The following COG6 variants were observed in gnomAD, a reference collection of about 807,000 sequenced individuals.
COG6 encodes component of oligomeric golgi complex 6.
Under a neutral mutation model 88.8 loss-of-function variants are expected in COG6, and 74 were observed. That is an observed-to-expected ratio of 0.83 (90% confidence interval 0.69 to 1.01). The LOEUF (loss-of-function observed/expected upper bound fraction) is 1.01, where lower values mean the gene tolerates loss of function less well. Ranked by LOEUF, COG6 falls within the 50% of genes least tolerant of loss-of-function variation. COG6 has a pLI of 0.00. For missense variants in COG6, 800 were observed against 797.9 expected, an observed-to-expected ratio of 1.00 and a Z score of -0.03; for synonymous variants, 286 against 278.7, an observed-to-expected ratio of 1.03 and a Z score of -0.26.
At chr13:39,746,793 T>C (rs75125008) in intron 18 of COG6, among the ~76,000 whole-genome samples, 1,696 of 152,266 alleles carry the variant, frequency 0.011, 28 homozygotes, top group African/African-American at 0.039. Context: ...AATAAAAATA[T>C]AGTAAACTGG....
intron 16 of COG6, 78 bp downstream of exon 16, chr13:39,723,518 T>C (rs1878965708): frequency 1.2e-6 from 1 of 845,972 alleles, no homozygotes; most frequent in Non-Finnish European, 2.0e-6. Flanking sequence ...CACTCTGGAT[T>C]CTTGGCTCTA....
intron 18 of COG6, among the ~76,000 whole-genome samples, chr13:39,774,292 A>G (rs930571902): frequency 6.6e-6 from 1 of 152,172 alleles, no homozygotes; most frequent in African/African-American, 2.4e-5. Flanking sequence ...TTTCCCCTAA[A>G]TGTTAGGCCA....
At chr13:39,661,176 A>AT (rs1334826712) in intron 3 of COG6, among the ~76,000 whole-genome samples, 4 of 152,120 alleles carry the variant, frequency 2.6e-5, no homozygotes, top group Middle Eastern at 3.4e-3. Flanking sequence ...AGGAGTAATG[A>AT]TTTTTTTTAG....
chr13:39,772,413 A>G (rs992039441), intron 18 of COG6, among the ~76,000 whole-genome samples: 33 of 152,208 alleles, frequency 2.2e-4, no homozygotes, highest in Non-Finnish European at 5.9e-5. Context: ...TTTTAAGCCA[A>G]ACAGACATGA....
At chr13:39,760,172 G>A (rs7327824) in intron 18 of COG6, among the ~76,000 whole-genome samples, 62,824 of 151,852 alleles carry the variant, frequency 0.41, 13,368 homozygotes, top group Admixed American at 0.56. Flanking sequence ...TTTTGAGATT[G>A]CCCCGAGTCT....
intron 18 of COG6, among the ~76,000 whole-genome samples, chr13:39,745,140 A>G (rs1165763835): frequency 1.3e-5 from 2 of 152,252 alleles, no homozygotes; most frequent in Non-Finnish European, 2.9e-5. Context: ...TAAAAACCCT[A>G]GAAGAAAACT....
At chr13:39,662,374 A>G (rs1283301272) in intron 3 of COG6, among the ~76,000 whole-genome samples, 1 of 151,808 alleles carries the variant, frequency 6.6e-6, no homozygotes, top group Non-Finnish European at 1.5e-5. Context: ...TGATTCACCT[A>G]CCTCGGCCTT....
At chr13:39,724,592 A>T in intron 17 of COG6, 31 bp downstream of exon 17, 1 of 1,489,738 alleles carries the variant, frequency 6.7e-7, no homozygotes, top group Non-Finnish European at 9.3e-7. Flanking sequence ...TTTAATTTAG[A>T]TTTCCTTATG....
chr13:39,716,811 A>G (rs1037504196), intron 13 of COG6, among the ~76,000 whole-genome samples: 3 of 152,168 alleles, frequency 2.0e-5, no homozygotes, highest in African/African-American at 7.2e-5. Context: ...ATACAGTTAA[A>G]TCTTATTACA....
intron 11 of COG6, among the ~76,000 whole-genome samples, chr13:39,691,955 A>G (rs1039064780): frequency 6.3e-5 from 7 of 110,644 alleles, no homozygotes; most frequent in African/African-American, 2.2e-4. Flanking sequence ...TTGGAATAAG[A>G]GATTTTGATT....
At chr13:39,714,849 A>C (rs1265545157) in intron 13 of COG6, among the ~76,000 whole-genome samples, 12 of 152,212 alleles carry the variant, frequency 7.9e-5, no homozygotes, top group African/African-American at 2.9e-4. Flanking sequence ...GCAGTTGTAA[A>C]GATATGGAAC....
intron 18 of COG6, among the ~76,000 whole-genome samples, chr13:39,742,106 C>G (rs1353879444): frequency 6.6e-6 from 1 of 152,082 alleles, no homozygotes; most frequent in African/African-American, 2.4e-5. Flanking sequence ...GAAGGAAGCA[C>G]TAAACATGGA....
Position 39,771,421 on chromosome 13 carries a change from C to T in COG6, c.1827-16914C>T, listed in dbSNP as rs897775749. Reference sequence around the variant, plus strand: ...TAGTGAGGGGTAACTGGTGGCTCACCCGCTGCCCAGCGCTCCCCAGGGAGA... The same window carrying T: ...TAGTGAGGGGTAACTGGTGGCTCACTCGCTGCCCAGCGCTCCCCAGGGAGA... On this transcript the variant is annotated intron_variant, in intron 18 of 18. Transcript: ENST00000416691. Among the ~76,000 whole-genome samples, 9 of 152,176 alleles carry T rather than the reference C, an allele frequency of 5.9e-5. No individual in the cohort carries two copies. The South Asian group carries it at 1.5e-3, about 25-fold the overall frequency.
Position 39,659,384 on chromosome 13 carries a change from G to A in COG6, c.174G>A (p.Lys58=), listed in dbSNP as rs61754106. The A allele has an allele frequency of 1.7e-5, 28 of 1,613,456 alleles. No homozygotes were observed. Among genetic ancestry groups the A allele is most frequent in the Non-Finnish European group, 2.3e-5 (27 of 1,179,740 alleles). The change falls in exon 2 of 19, where the codon AAG becomes AAA. Residue 58 remains lysine (K), a synonymous_variant. Coordinates refer to ENST00000455146, the MANE Select transcript of COG6 (RefSeq NM_020751.3). ...DNDKEMLEAL[K]ALSTFFVENS... is the part of the protein sequence containing the mutation. ...TATAGGAGATGTTAGAAGCTCTCAAGGCACTTTCAACCTTTTTTGTTGAAA... is the reference window on the plus strand; with the variant it reads ...TATAGGAGATGTTAGAAGCTCTCAAAGCACTTTCAACCTTTTTTGTTGAAA...
chr13:39,716,376 A>G (rs1878531198), intron 13 of COG6, among the ~76,000 whole-genome samples: 1 of 151,848 alleles, frequency 6.6e-6, no homozygotes, highest in Admixed American at 6.6e-5. Flanking sequence ...CATCTAATTT[A>G]TTTTTGTCTT....
intron 18 of COG6, among the ~76,000 whole-genome samples, chr13:39,728,043 A>T (rs1879229811): frequency 6.6e-6 from 1 of 152,292 alleles, no homozygotes; most frequent in African/African-American, 2.4e-5. Context: ...GAAGAAGCGG[A>T]GAGATTATAT....
intron 15 of COG6, among the ~76,000 whole-genome samples, chr13:39,722,617 C>CA (rs67889057): frequency 0.038 from 3,985 of 105,756 alleles, 57 homozygotes; most frequent in South Asian, 0.09. Context: ...TGTACTGGCA[C>CA]AAAAAAAAAA....
chr13:39,750,830 A>G, intron 18 of COG6, 116 bp from the exon 19 acceptor site: 1 of 740,872 alleles, frequency 1.3e-6, no homozygotes, highest in Admixed American at 2.0e-5. Context: ...TAAATAGTGT[A>G]TGTGTGATGA....
At chr13:39,760,194 T>A (rs994575885) in intron 18 of COG6, among the ~76,000 whole-genome samples, 1 of 152,126 alleles carries the variant, frequency 6.6e-6, no homozygotes, top group African/African-American at 2.4e-5. Flanking sequence ...TCTGGGGGTA[T>A]CATTTATATA....
Sources: allele counts gnomAD v4.1 joint callset (sites outside exome capture counted in the v4.1 genomes callset), GRCh38; gene constraint gnomAD v4.1.1; transcripts MANE v1.5; gene names NCBI Gene and HGNC (gene_info 2026-07-23, HGNC 2026-07-21).